ASH1L: variants seen among roughly 807,000 people sequenced by gnomAD.
ASH1L encodes ASH1 like histone lysine methyltransferase, also known as histone-lysine N-methyltransferase ASH1L.
In ASH1L, 23 loss-of-function variants were observed where a neutral mutation model predicts 269.0. The ratio of observed to expected loss-of-function variants is 0.09; its 90% CI spans 0.06 to 0.12. The LOEUF is 0.12. ASH1L is among the 10% of genes least tolerant of loss of function. The pLI is 1.00. For synonymous variants in ASH1L, 1,187 were observed against 1,253.5 expected (o/e 0.95, Z 1.12); for missense variants, 2,912 against 3,567.8 (o/e 0.82, Z 4.68).
intron 1 of ASH1L, among the ~76,000 whole-genome samples, chr1:155,544,652 T>C (rs1294799730): frequency 6.6e-6 from 1 of 152,072 alleles, no homozygotes; most frequent in Non-Finnish European, 1.5e-5. Flanking sequence ...CAAGTATGAT[T>C]ATGTTAAAGC....
intron 1 of ASH1L, among the ~76,000 whole-genome samples, chr1:155,556,403 T>C (rs946201409): frequency 3.1e-4 from 4 of 12,990 alleles, no homozygotes; most frequent in African/African-American, 3.5e-4. Flanking sequence ...TATATATACG[T>C]GTGTGTGTGT....
intron 5 of ASH1L, among the ~76,000 whole-genome samples, chr1:155,434,613 G>A (rs968221372): frequency 6.6e-6 from 1 of 152,114 alleles, no homozygotes; most frequent in African/African-American, 2.4e-5. Flanking sequence ...AGCACTTCGG[G>A]AGGCCGAGGC....
At position 155,364,922 on chromosome 1, in the gene ASH1L, T is replaced by TAA. The variant is rs60237031; in HGVS notation, c.6687-4515_6687-4514dup. 4.5e-3 allele frequency among the ~76,000 whole-genome samples: 483 copies of TAA among 107,146 alleles called. 5 individuals are homozygous for TAA. The highest frequency in any genetic ancestry group is 0.015 in the African/African-American group (439 of 28,444). 70.3% of individuals were successfully genotyped at this position (107,146 alleles called of 152,430 possible). A position where few individuals can be genotyped will look rare whatever the true frequency, so the allele number is the denominator to read the frequency against. On this transcript the variant is annotated intron_variant, in intron 12 of 27. Coordinates refer to ENST00000392403, the MANE Select transcript of ASH1L (RefSeq NM_018489.3). ...ATACCACTGTACTCCAGCTCTGTCT[T>TAA]AAAAAAAAAAAAAAAAAAAAAGGCT... is the stretch of plus-strand genomic sequence containing the variant.
chr1:155,428,967 C>T (rs758768889), intron 5 of ASH1L, among the ~76,000 whole-genome samples: 7 of 152,098 alleles, frequency 4.6e-5, no homozygotes, highest in Admixed American at 1.3e-4. Flanking sequence ...ATTCCTCTAG[C>T]GCCACTGGGT....
At chr1:155,411,582 A>AATAT (rs1479665451) in intron 6 of ASH1L, among the ~76,000 whole-genome samples, 1 of 48,414 alleles carries the variant, frequency 2.1e-5, no homozygotes, top group Non-Finnish European at 3.8e-5. Context: ...TAAATAAATA[A>AATAT]ATAAATATAT....
chr1:155,537,601 C>T (rs992069365), intron 1 of ASH1L, among the ~76,000 whole-genome samples: 3 of 152,172 alleles, frequency 2.0e-5, no homozygotes, highest in African/African-American at 4.8e-5. Flanking sequence ...CAGACCCTTA[C>T]CTCACATCAT....
intron 5 of ASH1L, among the ~76,000 whole-genome samples, chr1:155,427,882 C>T (rs1308404193): frequency 1.3e-5 from 2 of 152,230 alleles, no homozygotes; most frequent in South Asian, 4.1e-4. Context: ...CCGATGCTGT[C>T]GTTGCCATAG....
At chr1:155,341,153 G>A (rs998852764) in intron 25 of ASH1L, among the ~76,000 whole-genome samples, 1 of 147,296 alleles carries the variant, frequency 6.8e-6, no homozygotes, top group African/African-American at 2.5e-5. Context: ...TGTATTTTTA[G>A]TAGAGACGGG....
chr1:155,527,693 C>A (rs943392540), intron 1 of ASH1L, among the ~76,000 whole-genome samples: 1 of 151,986 alleles, frequency 6.6e-6, no homozygotes, highest in Non-Finnish European at 1.5e-5. Context: ...GAAATACAGG[C>A]ATGTGCCACC....
chr1:155,542,465 C>T (rs1196189764), intron 1 of ASH1L, among the ~76,000 whole-genome samples: 1 of 151,662 alleles, frequency 6.6e-6, no homozygotes. Flanking sequence ...AGGAGAATGG[C>T]GTGAACCTGA....
At chr1:155,522,830 G>A (rs957597699) in intron 1 of ASH1L, among the ~76,000 whole-genome samples, 1 of 151,908 alleles carries the variant, frequency 6.6e-6, no homozygotes, top group African/African-American at 2.4e-5. Context: ...GGCATTACAG[G>A]CACAAGCCAC....
At position 155,480,470 on chromosome 1, in the gene ASH1L, A is replaced by G; in HGVS notation, c.2400T>C (p.Ser800=). The stretch of plus-strand genomic sequence containing the variant: ...GTTTGTGAGTAGCAAAAGACTTATG[A>G]GATGGTTTTTCACTATCAGCTAAGA... ...LALLADSEKP[S]HKSFATHKLS... Residue 800 remains serine (S), a synonymous_variant, in exon 3 of 28, where the codon TCT becomes TCC. Coordinates refer to ENST00000392403, the MANE Select transcript of ASH1L (RefSeq NM_018489.3). The G allele has an allele frequency of 6.2e-7, 1 of 1,614,030 alleles. No homozygotes were observed. Among genetic ancestry groups the G allele is most frequent in the Non-Finnish European group, 8.5e-7 (1 of 1,179,922 alleles).
chr1:155,367,607 G>A (rs1269409892), intron 12 of ASH1L, among the ~76,000 whole-genome samples: 2 of 151,882 alleles, frequency 1.3e-5, no homozygotes, highest in Non-Finnish European at 2.9e-5. Flanking sequence ...ATTTCCTTTG[G>A]CAGATTTGTT....
rs1460066992 is a variant in ASH1L, at chr1:155,416,216, C to T, written c.5829-293G>A. Among the ~76,000 whole-genome samples, 17 of 151,202 alleles carry T rather than the reference C, an allele frequency of 1.1e-4. 1 individual carries two copies. Among genetic ancestry groups the T allele is most frequent in the Admixed American group, 2.6e-4 (4 of 15,136 alleles). ...CACAATCTTGGCTCAAGGCAACCTC[C>T]GCTTTCTGGGTTCAAGCAATTCTCC... On this transcript the variant is annotated intron_variant, in intron 5 of 27. Transcript: ENST00000392403.
chr1:155,340,126 A>G (rs576236819), intron 25 of ASH1L, among the ~76,000 whole-genome samples: 2 of 152,086 alleles, frequency 1.3e-5, no homozygotes, highest in African/African-American at 4.8e-5. Context: ...CGGTCTGGAA[A>G]ATTAAAAAAA....
intron 7 of ASH1L, among the ~76,000 whole-genome samples, chr1:155,384,299 G>A (rs1657226529): frequency 6.6e-6 from 1 of 151,990 alleles, no homozygotes; most frequent in Non-Finnish European, 1.5e-5. Flanking sequence ...CTTAATTCCT[G>A]ACAGATATTT....
At chr1:155,465,500 T>C (rs184048876) in intron 3 of ASH1L, among the ~76,000 whole-genome samples, 222 of 152,242 alleles carry the variant, frequency 1.5e-3, no homozygotes, top group African/African-American at 5.2e-3. Flanking sequence ...GCTAGAAATA[T>C]CTTTGGGTGA....
chr1:155,510,920 A>C (rs1382923701), intron 2 of ASH1L, among the ~76,000 whole-genome samples: 1 of 152,212 alleles, frequency 6.6e-6, no homozygotes, highest in African/African-American at 2.4e-5. Flanking sequence ...TTTATATAGC[A>C]AAATATTACC....
intron 16 of ASH1L, among the ~76,000 whole-genome samples, chr1:155,353,852 G>T (rs141180087): frequency 6.6e-6 from 1 of 152,278 alleles, no homozygotes; most frequent in Admixed American, 6.5e-5. Context: ...TTCCCCAGTG[G>T]ATTTGGTATC....
Sources: allele counts gnomAD v4.1 joint callset (sites outside exome capture counted in the v4.1 genomes callset), GRCh38; gene constraint gnomAD v4.1.1; transcripts MANE v1.5; gene names NCBI Gene and HGNC (gene_info 2026-07-23, HGNC 2026-07-21).